ACKR2: variants seen among roughly 807,000 people sequenced by gnomAD.
The protein encoded by ACKR2 is atypical chemokine receptor 2.
For missense variants in ACKR2, 457 were observed against 477.3 expected (o/e 0.96, Z 0.40); for synonymous variants, 207 against 192.2 (o/e 1.08, Z -0.64).
chr3:42,849,050 C>T (rs765618906), intron 2 of ACKR2, among the ~76,000 whole-genome samples: 15 of 152,170 alleles, frequency 9.9e-5, no homozygotes, highest in Non-Finnish European at 1.6e-4. Flanking sequence ...AAGAACCAAG[C>T]GCATTCTGGT....
At chr3:42,860,935 A>G (rs1037894391) in intron 2 of ACKR2, among the ~76,000 whole-genome samples, 5 of 152,244 alleles carry the variant, frequency 3.3e-5, no homozygotes, top group African/African-American at 1.2e-4. Flanking sequence ...CGACAGCCTA[A>G]CATCACAATT....
At chr3:42,863,146 T>C (rs935609979) in intron 2 of ACKR2, among the ~76,000 whole-genome samples, 6 of 151,954 alleles carry the variant, frequency 3.9e-5, no homozygotes, top group Non-Finnish European at 7.4e-5. Context: ...ACAAAGAACT[T>C]AAACAAATTT....
At chr3:42,822,010 A>T (rs1288881419) in intron 2 of ACKR2, among the ~76,000 whole-genome samples, 1 of 152,026 alleles carries the variant, frequency 6.6e-6, no homozygotes, top group Non-Finnish European at 1.5e-5. Flanking sequence ...TATACTTTTC[A>T]ATCTTCTCTT....
intron 2 of ACKR2, among the ~76,000 whole-genome samples, chr3:42,845,362 A>C (rs997912965): frequency 2.0e-5 from 3 of 152,152 alleles, no homozygotes; most frequent in African/African-American, 7.2e-5. Context: ...ACCAATTAAC[A>C]CTTGATTGAT....
At chr3:42,855,870 A>C (rs571776766) in intron 2 of ACKR2, 3 of 152,948 alleles carry the variant, frequency 2.0e-5, no homozygotes, top group African/African-American at 7.2e-5. Context: ...GCTTTGATTG[A>C]AACATTCATC....
chr3:42,827,505 G>A (rs889001409), intron 2 of ACKR2, among the ~76,000 whole-genome samples: 2 of 152,136 alleles, frequency 1.3e-5, no homozygotes, highest in Admixed American at 1.3e-4. Flanking sequence ...TAACTTTAAA[G>A]CATGTCATCG....
chr3:42,837,222 T>A (rs764472777), intron 2 of ACKR2, among the ~76,000 whole-genome samples: 13 of 144,294 alleles, frequency 9.0e-5, no homozygotes, highest in Non-Finnish European at 2.0e-4. Flanking sequence ...GAGCCTGAAG[T>A]TTTTTTTTTT....
At chr3:42,811,273 G>A (rs1700691565) in intron 1 of ACKR2, among the ~76,000 whole-genome samples, 1 of 152,208 alleles carries the variant, frequency 6.6e-6, no homozygotes, top group South Asian at 2.1e-4. Flanking sequence ...TCTGTACTAA[G>A]AAAAATTGTT....
intron 2 of ACKR2, among the ~76,000 whole-genome samples, chr3:42,829,642 C>T (rs1253333196): frequency 6.6e-6 from 1 of 152,130 alleles, no homozygotes; most frequent in East Asian, 1.9e-4. Flanking sequence ...TAGATAGGGA[C>T]CCTGTGGCCT....
At chr3:42,829,751 C>T (rs1409152571) in intron 2 of ACKR2, among the ~76,000 whole-genome samples, 1 of 152,166 alleles carries the variant, frequency 6.6e-6, no homozygotes. Context: ...CTGTCCTCTG[C>T]CATGTGACGT....
At chr3:42,862,561 AAG>A (rs1189446953) in intron 2 of ACKR2, among the ~76,000 whole-genome samples, 2 of 152,210 alleles carry the variant, frequency 1.3e-5, no homozygotes, top group African/African-American at 4.8e-5. Flanking sequence ...AGACAATCCT[AAG>A]CAAAAAGAAA....
intron 1 of ACKR2, among the ~76,000 whole-genome samples, chr3:42,818,387 G>T (rs1700775085): frequency 6.6e-6 from 1 of 152,104 alleles, no homozygotes; most frequent in South Asian, 2.1e-4. Flanking sequence ...AATGACCAGG[G>T]GTCAGCTCTA....
rs376833790 is a variant in ACKR2 at position 42,860,189 on chromosome 3, A to AC, written c.-37-4277_-37-4276insC. Among the ~76,000 whole-genome samples, 28 of 111,518 alleles carry AC rather than the reference A, an allele frequency of 2.5e-4. 1 individual carries two copies. The highest frequency in any genetic ancestry group is 7.5e-4 in the East Asian group (2 of 2,680). The allele number at this position is 111,518 out of a possible 152,430, so 73.2% of individuals were successfully genotyped here. On this transcript the variant is annotated intron_variant, in intron 2 of 2. Coordinates refer to ENST00000422265, the MANE Select transcript of ACKR2 (RefSeq NM_001296.5). ...CAAAAAAAAAAAAAAAAAAAAAAAA[A>AC]GCAGGGGATGCAATCCTAGTCTCTG...
intron 1 of ACKR2, among the ~76,000 whole-genome samples, chr3:42,816,595 T>C (rs1368487560): frequency 1.3e-5 from 2 of 151,876 alleles, no homozygotes; most frequent in African/African-American, 4.8e-5. Context: ...TCTTGCTTTG[T>C]CACCCAGGCT....
chr3:42,828,959 T>C (rs1023400264), intron 2 of ACKR2, among the ~76,000 whole-genome samples: 1 of 152,140 alleles, frequency 6.6e-6, no homozygotes, highest in African/African-American at 2.4e-5. Context: ...ATGGTCACAT[T>C]TATTGACAGT....
chr3:42,840,259 C>CAAAAA (rs34830187), intron 2 of ACKR2, among the ~76,000 whole-genome samples: 4 of 34,650 alleles, frequency 1.2e-4, no homozygotes, highest in African/African-American at 2.2e-4. Flanking sequence ...GACTCCGTCT[C>CAAAAA]AAAAAAAAAA....
intron 2 of ACKR2, among the ~76,000 whole-genome samples, chr3:42,843,316 C>T (rs569610078): frequency 4.6e-5 from 7 of 152,024 alleles, no homozygotes; most frequent in Non-Finnish European, 7.4e-5. Context: ...AGTGATCTGC[C>T]CCCCCAGCCT....
intron 2 of ACKR2, among the ~76,000 whole-genome samples, chr3:42,860,189 A>AAAAAACAC (rs376833790): frequency 2.7e-5 from 3 of 111,520 alleles, no homozygotes; most frequent in Admixed American, 1.3e-4. Flanking sequence ...AAAAAAAAAA[A>AAAAAACAC]GCAGGGGATG....
At chr3:42,826,704 C>A (rs1182276045) in intron 2 of ACKR2, among the ~76,000 whole-genome samples, 1 of 151,948 alleles carries the variant, frequency 6.6e-6, no homozygotes. Flanking sequence ...TGTTGATTTT[C>A]TCTATTGTAT....
Sources: allele counts gnomAD v4.1 joint callset (sites outside exome capture counted in the v4.1 genomes callset), GRCh38; gene constraint gnomAD v4.1.1; transcripts MANE v1.5; gene names NCBI Gene and HGNC (gene_info 2026-07-23, HGNC 2026-07-21).